The following RGS12 variants were observed in gnomAD, a reference collection of about 807,000 sequenced individuals.
RGS12 encodes regulator of G-protein signaling 12.
Under a neutral mutation model 120.1 loss-of-function variants are expected in RGS12, and 66 were observed. That is an observed-to-expected ratio of 0.55 (90% CI 0.45 to 0.67). The LOEUF is 0.67. Among genes scored for constraint, RGS12 ranks in the 30% least tolerant of loss-of-function variants. The pLI, the probability that RGS12 is intolerant of heterozygous loss-of-function variation, is 0.00. For synonymous variants in RGS12, 827 were observed against 804.7 expected (o/e 1.03, Z -0.47); for missense variants, 1,859 against 1,957.7 (o/e 0.95, Z 0.95).
chr4:3,331,902 C>A (rs1711889998), intron 2 of RGS12, among the ~76,000 whole-genome samples: 1 of 152,212 alleles, frequency 6.6e-6, no homozygotes, highest in African/African-American at 2.4e-5. Flanking sequence ...ACCAGGTGAC[C>A]TTTCCTAGTC....
At chr4:3,318,079 G>C in intron 2 of RGS12, 28 bp downstream of exon 2, 2 of 1,560,972 alleles carry the variant, frequency 1.3e-6, no homozygotes, top group Non-Finnish European at 1.7e-6. Flanking sequence ...CACTCAGCGC[G>C]GAGGCCCGGC....
chr4:3,298,120 G>T (rs1351053205), intron 1 of RGS12, among the ~76,000 whole-genome samples: 2 of 152,138 alleles, frequency 1.3e-5, no homozygotes, highest in Non-Finnish European at 2.9e-5. Context: ...CATAGAAGCG[G>T]CTCTTTTCCC....
intron 3 of RGS12, among the ~76,000 whole-genome samples, chr4:3,352,142 G>A (rs886539613): frequency 5.9e-5 from 9 of 152,170 alleles, no homozygotes; most frequent in African/African-American, 2.2e-4. Context: ...AAATTCTGTA[G>A]TAACCAGAGG....
rs1034647818 is a variant in RGS12, at chr4:3,433,469, C to A, written c.4114+2514C>A. On this transcript the variant is annotated intron_variant, in intron 17 of 17. Coordinates refer to ENST00000336727, the MANE Select transcript of RGS12 (RefSeq NM_001394154.1). The surrounding 1 kb of genome is among the most constrained non-coding windows in gnomAD (Gnocchi z 4.4). ...TGCCACCCTGTCCTAGCCCCAGTGCCACATGCCACACCACCCCATCCTAGC... is the reference window on the plus strand; with the variant it reads ...TGCCACCCTGTCCTAGCCCCAGTGCAACATGCCACACCACCCCATCCTAGC... 1.3e-5 allele frequency among the ~76,000 whole-genome samples: 2 copies of A among 152,044 alleles called. No individual in the cohort carries two copies. The highest frequency in any genetic ancestry group is 2.9e-5 in the Non-Finnish European group (2 of 67,980).
chr4:3,423,487 G>A, intron 12 of RGS12, 28 bp from the exon 13 acceptor site: 1 of 1,612,056 alleles, frequency 6.2e-7, no homozygotes, highest in Non-Finnish European at 8.5e-7. Context: ...GACATGAGTT[G>A]GTAGTGAATT....
At chr4:3,322,284 A>T (rs1725255464) in intron 2 of RGS12, among the ~76,000 whole-genome samples, 1 of 152,154 alleles carries the variant, frequency 6.6e-6, no homozygotes, top group African/African-American at 2.4e-5. Flanking sequence ...AAGGAAGGGG[A>T]GCTGAGTTAC....
chr4:3,415,055 TGTGTGTGAGGGGCGTGTGAGGTCGC>T (rs1378519834), intron 6 of RGS12, among the ~76,000 whole-genome samples: 5 of 113,268 alleles, frequency 4.4e-5, no homozygotes, highest in Non-Finnish European at 9.1e-5. Context: ...GAGGGCCACC[TGTGTGTGAGGGGCGTGTGAGGTCGC>T]GTGTGTGAGG....
chr4:3,436,184 C>A (rs535268452), intron 17 of RGS12, among the ~76,000 whole-genome samples: 1 of 152,168 alleles, frequency 6.6e-6, no homozygotes, highest in Non-Finnish European at 1.5e-5. Context: ...CCATGGGGGC[C>A]CATCAGCAGG....
chr4:3,304,646 T>C (rs1723874128), intron 1 of RGS12, among the ~76,000 whole-genome samples: 1 of 152,254 alleles, frequency 6.6e-6, no homozygotes, highest in African/African-American at 2.4e-5. Context: ...TTTTAGCCGC[T>C]TTTCCCCATT....
chr4:3,325,158 G>A (rs1314495273), intron 2 of RGS12, among the ~76,000 whole-genome samples: 1 of 152,196 alleles, frequency 6.6e-6, no homozygotes, highest in Non-Finnish European at 1.5e-5. Flanking sequence ...TCTGAAAGGT[G>A]ATTTATGCAT....
chr4:3,380,809 G>A (rs538865246), intron 3 of RGS12, among the ~76,000 whole-genome samples: 10 of 152,278 alleles, frequency 6.6e-5, no homozygotes, highest in East Asian at 3.9e-4. Flanking sequence ...TTCCCTCCTC[G>A]GCCTCCAGGC....
chr4:3,350,134 T>C (rs1274076593), intron 3 of RGS12, among the ~76,000 whole-genome samples: 2 of 152,234 alleles, frequency 1.3e-5, no homozygotes, highest in Non-Finnish European at 2.9e-5. Context: ...TAGGGGTATT[T>C]TGCTGATAAC....
intron 1 of RGS12, among the ~76,000 whole-genome samples, chr4:3,310,694 G>A (rs574125743): frequency 1.3e-5 from 2 of 152,160 alleles, no homozygotes; most frequent in South Asian, 4.2e-4. Flanking sequence ...TGGGAGGGGG[G>A]TGCCAGGTGG....
At chr4:3,392,415 C>G (rs538499705) in intron 4 of RGS12, among the ~76,000 whole-genome samples, 1 of 152,258 alleles carries the variant, frequency 6.6e-6, no homozygotes, top group South Asian at 2.1e-4. Flanking sequence ...TCTAATTATG[C>G]AAGCATGTTA....
rs534854286 is a variant in RGS12 at position 3,304,070 on chromosome 4, G to A, written c.-102+10971G>A. On this transcript the variant is annotated intron_variant, in intron 1 of 17. Transcript: ENST00000336727. Reference sequence around the variant, plus strand: ...ACTGACAATGGAAGAGGAAGAAAGCGCATTTGCTCCATGAGGCCGGAATTG... The same window carrying A: ...ACTGACAATGGAAGAGGAAGAAAGCACATTTGCTCCATGAGGCCGGAATTG... Among the ~76,000 whole-genome samples, 4 of 152,302 alleles carry A rather than the reference G, an allele frequency of 2.6e-5. No homozygotes were observed. In the East Asian group the frequency reaches 5.8e-4, roughly 22 times the overall value.
intron 1 of RGS12, among the ~76,000 whole-genome samples, chr4:3,300,401 A>C (rs1723618466): frequency 6.6e-6 from 1 of 152,120 alleles, no homozygotes; most frequent in Non-Finnish European, 1.5e-5. Context: ...GAAGAGGGAC[A>C]GCTCTGTGGA....
At chr4:3,436,075 C>T (rs1193504850) in intron 17 of RGS12, among the ~76,000 whole-genome samples, 1 of 152,182 alleles carries the variant, frequency 6.6e-6, no homozygotes, top group African/African-American at 2.4e-5. Flanking sequence ...AGCCCCAGCC[C>T]ATCACACACA....
Position 3,383,792 on chromosome 4 carries a change from G to A in RGS12, c.1999-2624G>A, listed in dbSNP as rs555444941. Among the ~76,000 whole-genome samples the A allele has an allele frequency of 2.0e-5, 3 of 152,324 alleles. No homozygotes were observed. The East Asian group carries it at 5.8e-4, about 29-fold the overall frequency. ...CCCGCAGCCTGTGCCCATCACAGGA[G>A]CAGCGATGGCCCATGCCCATATTCT... On this transcript the variant is annotated intron_variant, in intron 3 of 17. Transcript: ENST00000336727.
chr4:3,423,390 C>T, intron 12 of RGS12, 125 bp from the exon 13 acceptor site: 2 of 1,304,054 alleles, frequency 1.5e-6, no homozygotes, highest in Non-Finnish European at 2.2e-6. Context: ...TCAGCTGGGG[C>T]TGAACTGGGG....
Sources: gnomAD v4.1 joint callset for allele counts (sites outside exome capture counted in the v4.1 genomes callset) on GRCh38, gnomAD v4.1.1 for gene constraint, Gnocchi (gnomAD v3.1) non-coding constraint, MANE v1.5 for transcripts, NCBI Gene and HGNC (gene_info 2026-07-23, HGNC 2026-07-21) for gene names.